The following DPYD variants were observed in gnomAD, a reference collection of about 807,000 sequenced individuals.
DPYD encodes the protein dihydropyrimidine dehydrogenase [NADP(+)].
In DPYD, 109 loss-of-function variants were observed where a neutral mutation model predicts 116.2. The observed-to-expected ratio is 0.94, with a 90% CI of 0.80 to 1.10. DPYD has a LOEUF of 1.10. Ranked by LOEUF, DPYD falls within the 50% of genes least tolerant of loss-of-function variation. The pLI, the probability that DPYD is intolerant of heterozygous loss-of-function variation, is 0.00. For synonymous variants in DPYD, 440 were observed against 432.0 expected (o/e 1.02, Z -0.23); for missense variants, 1,302 against 1,254.5 (o/e 1.04, Z -0.57).
chr1:97,316,968 G>A (rs530079300), intron 16 of DPYD, among the ~76,000 whole-genome samples: 1 of 151,786 alleles, frequency 6.6e-6, no homozygotes, highest in African/African-American at 2.4e-5. Flanking sequence ...GATTGACACA[G>A]GTTCCATAGG....
intron 3 of DPYD, among the ~76,000 whole-genome samples, chr1:97,772,671 A>G (rs1319457860): frequency 6.6e-6 from 1 of 152,224 alleles, no homozygotes; most frequent in East Asian, 1.9e-4. Flanking sequence ...AAGCATATTC[A>G]GTATAGAAGA....
chr1:97,473,126 C>T (rs1175673221), intron 13 of DPYD, among the ~76,000 whole-genome samples: 1 of 152,174 alleles, frequency 6.6e-6, no homozygotes, highest in Non-Finnish European at 1.5e-5. Context: ...CAATTTCCAA[C>T]CTGCTTCCCA....
intron 7 of DPYD, among the ~76,000 whole-genome samples, chr1:97,688,216 T>C (rs561271393): frequency 6.6e-6 from 1 of 152,228 alleles, no homozygotes; most frequent in Non-Finnish European, 1.5e-5. Context: ...TAGTCAGCAA[T>C]TAATGAATAA....
In DPYD at chr1:97,130,923, T is replaced by TCTC. The variant is rs1557881144; in HGVS notation, c.2623-32292_2623-32291insGAG. Among the ~76,000 whole-genome samples, 1,026 of 132,508 alleles carry TCTC rather than the reference T, an allele frequency of 7.7e-3. 19 individuals are homozygous for TCTC. Among genetic ancestry groups the TCTC allele is most frequent in the African/African-American group, 0.027 (961 of 35,650 alleles). The allele number at this position is 132,508 out of a possible 152,430, so 86.9% of individuals were successfully genotyped here. On this transcript the variant is annotated intron_variant, in intron 20 of 22. Coordinates refer to ENST00000370192, the MANE Select transcript of DPYD (RefSeq NM_000110.4). Reference sequence around the variant, plus strand: ...CCTCCCTCACTCCCTCCCTCCCTCTTTCTCTCTCTCTATCTATCTATCTAT... The same window carrying TCTC: ...CCTCCCTCACTCCCTCCCTCCCTCTTCTCTCTCTCTCTCTATCTATCTATCTAT...
intron 10 of DPYD, among the ~76,000 whole-genome samples, chr1:97,587,578 C>T (rs1047182513): frequency 6.6e-6 from 1 of 152,094 alleles, no homozygotes; most frequent in African/African-American, 2.4e-5. Flanking sequence ...GTAATCCCCG[C>T]ACTTTGGGAG....
At chr1:97,890,324 T>TTA (rs1672715378) in intron 1 of DPYD, among the ~76,000 whole-genome samples, 2 of 151,980 alleles carry the variant, frequency 1.3e-5, no homozygotes, top group Admixed American at 6.6e-5. Flanking sequence ...TTCAGTCGAT[T>TTA]TAGCCATATA....
intron 13 of DPYD, among the ~76,000 whole-genome samples, chr1:97,502,729 T>C (rs1679662144): frequency 6.6e-6 from 1 of 152,000 alleles, no homozygotes. Flanking sequence ...TTTCTACCCT[T>C]TAATAACTGA....
At chr1:97,360,325 T>C (rs141656703) in intron 16 of DPYD, among the ~76,000 whole-genome samples, 1 of 152,216 alleles carries the variant, frequency 6.6e-6, no homozygotes, top group East Asian at 1.9e-4. Context: ...CAAAGAAACT[T>C]AGACTCCCAC....
At chr1:97,606,933 A>G (rs1184181685) in intron 8 of DPYD, among the ~76,000 whole-genome samples, 2 of 151,966 alleles carry the variant, frequency 1.3e-5, no homozygotes, top group Admixed American at 1.3e-4. Context: ...CTCCTGGGGC[A>G]ACAATTTCAC....
At chr1:97,160,585 C>T (rs1655817629) in intron 20 of DPYD, among the ~76,000 whole-genome samples, 1 of 151,978 alleles carries the variant, frequency 6.6e-6, no homozygotes, top group South Asian at 2.1e-4. Context: ...TGCTATTAGC[C>T]CCCCTCTAGT....
chr1:97,698,194 A>C (rs1375058379), intron 6 of DPYD, among the ~76,000 whole-genome samples: 1 of 151,862 alleles, frequency 6.6e-6, no homozygotes, highest in African/African-American at 2.4e-5. Flanking sequence ...CAATCAGGTT[A>C]TTTATGTTTC....
chr1:97,453,021 T>C (rs975624521), intron 13 of DPYD, among the ~76,000 whole-genome samples: 3 of 152,116 alleles, frequency 2.0e-5, no homozygotes, highest in African/African-American at 4.8e-5. Context: ...GCTTGCTTCT[T>C]CTGATCCTTC....
chr1:97,299,100 A>G (rs1666712636), intron 18 of DPYD, among the ~76,000 whole-genome samples: 1 of 152,124 alleles, frequency 6.6e-6, no homozygotes, highest in Non-Finnish European at 1.5e-5. Context: ...GCTTACAGAG[A>G]TGTGTAGTTC....
chr1:97,432,227 G>C (rs1276959449), intron 14 of DPYD, among the ~76,000 whole-genome samples: 1 of 152,046 alleles, frequency 6.6e-6, no homozygotes, highest in African/African-American at 2.4e-5. Context: ...CCCAGCAGCA[G>C]GACTGCTGGG....
chr1:97,473,521 A>G (rs1677775135), intron 13 of DPYD, among the ~76,000 whole-genome samples: 1 of 152,184 alleles, frequency 6.6e-6, no homozygotes, highest in African/African-American at 2.4e-5. Context: ...AGAGCCAAAA[A>G]GTATATGAAG....
intron 10 of DPYD, among the ~76,000 whole-genome samples, chr1:97,578,126 G>T (rs567262945): frequency 2.6e-5 from 4 of 152,006 alleles, no homozygotes; most frequent in Non-Finnish European, 5.9e-5. Flanking sequence ...GAATACAGGC[G>T]TAAGACACCA....
intron 16 of DPYD, among the ~76,000 whole-genome samples, chr1:97,341,815 CTGTT>C (rs1236087961): frequency 6.6e-6 from 1 of 152,170 alleles, no homozygotes; most frequent in Non-Finnish European, 1.5e-5. Flanking sequence ...GAAAGCCTAA[CTGTT>C]TCAGTGTTGT....
At chr1:97,566,359 G>T (rs188587115) in intron 11 of DPYD, among the ~76,000 whole-genome samples, 40 of 152,268 alleles carry the variant, frequency 2.6e-4, no homozygotes, top group African/African-American at 9.6e-4. Context: ...TAGAATATAT[G>T]ATCTCTAAGG....
rs1163398510 is a variant in DPYD at position 97,134,009 on chromosome 1, AAAAAAATATATATATAT to A, written c.2623-35394_2623-35378del. ...GCCAGACTCTGTTTCAAAAAAAAAAAAAAAAATATATATATATATATATATATATATATATATATATA... is the reference window on the plus strand; with the variant it reads ...GCCAGACTCTGTTTCAAAAAAAAAAAATATATATATATATATATATATATA... On this transcript the variant is annotated intron_variant, in intron 20 of 22. Coordinates refer to ENST00000370192, the MANE Select transcript of DPYD (RefSeq NM_000110.4). Among the ~76,000 whole-genome samples, 129 of 47,878 alleles carry A rather than the reference AAAAAAATATATATATAT, an allele frequency of 2.7e-3. 10 individuals carry two copies. The highest frequency in any genetic ancestry group is 6.9e-3 in the Admixed American group (28 of 4,030). The allele number at this position is 47,878 out of a possible 152,430, so 31.4% of individuals were successfully genotyped here.
Sources: allele counts gnomAD v4.1 joint callset (sites outside exome capture counted in the v4.1 genomes callset), GRCh38; gene constraint gnomAD v4.1.1; transcripts MANE v1.5; gene names NCBI Gene and HGNC (gene_info 2026-07-23, HGNC 2026-07-21).